GABBR2: variants seen among roughly 807,000 people sequenced by gnomAD.
The protein encoded by GABBR2 is gamma-aminobutyric acid type B receptor subunit 2, also known as G-protein coupled receptor 51.
A neutral mutation model predicts 105.6 loss-of-function variants in GABBR2; 23 were observed. That is an observed-to-expected ratio of 0.22 (90% CI 0.16 to 0.31). The LOEUF (loss-of-function observed/expected upper bound fraction) is 0.31. Among genes scored for constraint, GABBR2 ranks in the 10% least tolerant of loss-of-function variants. The pLI is 1.00. For missense variants in GABBR2, 734 were observed against 1,245.5 expected, an observed-to-expected ratio of 0.59 and a Z score of 6.18; for synonymous variants, 478 against 499.7, an observed-to-expected ratio of 0.96 and a Z score of 0.58.
chr9:98,394,249 C>A lies in GABBR2; in HGVS notation c.1304G>T (p.Arg435Met), dbSNP rs146990467. Residue 435 changes from arginine (R) to methionine (M), a missense_variant, in exon 9 of 19, where the codon AGG becomes ATG. Arg to Met is a moderately conservative substitution (Grantham distance 91, BLOSUM62 -1). Transcript: ENST00000259455. ...TIKFTQFQDS[R>M]EVKVGEYNAV... ...GTTGTACTCTCCCACCTTCACCTCC[C>A]TGCTGTCTGTGGGGAGCAAAAGACA... is the stretch of plus-strand genomic sequence containing the variant. The A allele has an allele frequency of 6.2e-7, 1 of 1,612,898 alleles. No individual in the cohort carries two copies. The highest frequency in any genetic ancestry group is 1.7e-5 in the Admixed American group (1 of 60,008).
At chr9:98,671,202 T>C (rs1830402795) in intron 1 of GABBR2, among the ~76,000 whole-genome samples, 1 of 152,168 alleles carries the variant, frequency 6.6e-6, no homozygotes, top group East Asian at 1.9e-4. Context: ...TAATCTACTT[T>C]CTGTCTATGT....
chr9:98,292,718 G>A (rs1687417873), intron 18 of GABBR2, among the ~76,000 whole-genome samples: 1 of 152,252 alleles, frequency 6.6e-6, no homozygotes, highest in Non-Finnish European at 1.5e-5. Flanking sequence ...CAAGCACCCA[G>A]GGCAGGGCTA....
At chr9:98,583,050 C>T (rs1829023711) in intron 1 of GABBR2, among the ~76,000 whole-genome samples, 1 of 152,152 alleles carries the variant, frequency 6.6e-6, no homozygotes, top group Non-Finnish European at 1.5e-5. Flanking sequence ...GAAAAAAAGA[C>T]CATTTCCCCC....
chr9:98,683,835 C>G (rs986830360), intron 1 of GABBR2, among the ~76,000 whole-genome samples: 2 of 151,542 alleles, frequency 1.3e-5, no homozygotes, highest in African/African-American at 4.8e-5. Flanking sequence ...CGGTGAAACC[C>G]GTCTCTACTA....
intron 6 of GABBR2, among the ~76,000 whole-genome samples, chr9:98,460,276 G>A (rs1186678419): frequency 6.6e-6 from 1 of 152,136 alleles, no homozygotes; most frequent in African/African-American, 2.4e-5. Context: ...CCAGCTACTT[G>A]GAAGGCTGAG....
chr9:98,303,813 CG>C (rs1830508226), intron 15 of GABBR2, among the ~76,000 whole-genome samples: 2 of 152,218 alleles, frequency 1.3e-5, no homozygotes, highest in Admixed American at 1.3e-4. Flanking sequence ...CAGAGGAGAG[CG>C]AAGGCCTCTG....
intron 1 of GABBR2, among the ~76,000 whole-genome samples, chr9:98,703,703 G>A (rs921822277): frequency 2.0e-5 from 3 of 151,868 alleles, no homozygotes; most frequent in African/African-American, 7.3e-5. Flanking sequence ...TGTTGCTCAG[G>A]CTGGTCTTGA....
intron 2 of GABBR2, among the ~76,000 whole-genome samples, chr9:98,568,376 A>G (rs1407192868): frequency 6.6e-6 from 1 of 152,234 alleles, no homozygotes; most frequent in Admixed American, 6.5e-5. Context: ...TGCTGGACAC[A>G]TGGCGTAACA....
intron 1 of GABBR2, among the ~76,000 whole-genome samples, chr9:98,696,452 AGGCCGCT>A (rs1399454801): frequency 3.3e-5 from 5 of 152,174 alleles, no homozygotes; most frequent in Non-Finnish European, 7.3e-5. Flanking sequence ...TCAAGCTGGG[AGGCCGCT>A]GGACTGGTTT....
At chr9:98,697,537 G>A (rs1273557687) in intron 1 of GABBR2, among the ~76,000 whole-genome samples, 2 of 151,416 alleles carry the variant, frequency 1.3e-5, no homozygotes, top group African/African-American at 4.9e-5. Context: ...TAGTGAAGAC[G>A]AAATGAATGA....
At chr9:98,370,233 C>G (rs1564034836) in intron 12 of GABBR2, among the ~76,000 whole-genome samples, 1 of 151,950 alleles carries the variant, frequency 6.6e-6, no homozygotes. Context: ...GGTGAGGTGA[C>G]CCCAGGGTGG....
intron 13 of GABBR2, among the ~76,000 whole-genome samples, chr9:98,341,550 G>A (rs1167652617): frequency 6.6e-6 from 1 of 152,220 alleles, no homozygotes; most frequent in Non-Finnish European, 1.5e-5. Flanking sequence ...TGGTTATTGC[G>A]GCTGAGCGTT....
At chr9:98,690,796 C>T (rs1371616949) in intron 1 of GABBR2, among the ~76,000 whole-genome samples, 1 of 152,194 alleles carries the variant, frequency 6.6e-6, no homozygotes, top group African/African-American at 2.4e-5. Flanking sequence ...TCCTAGGGAC[C>T]AACTGTGTGT....
At chr9:98,293,752 T>G (rs765039036) in intron 18 of GABBR2, 33 bp downstream of exon 18, 1 of 1,155,102 alleles carries the variant, frequency 8.7e-7, no homozygotes, top group East Asian at 2.4e-5. Context: ...GTATTTCTTC[T>G]TCAGTTATAA....
intron 1 of GABBR2, among the ~76,000 whole-genome samples, chr9:98,589,495 G>A (rs1311689247): frequency 1.3e-5 from 2 of 152,176 alleles, no homozygotes; most frequent in Admixed American, 6.5e-5. Context: ...AACGCCTGCT[G>A]TAAGCATTTT....
At chr9:98,292,789 G>T (rs1177434132) in intron 18 of GABBR2, among the ~76,000 whole-genome samples, 1 of 152,208 alleles carries the variant, frequency 6.6e-6, no homozygotes, top group Non-Finnish European at 1.5e-5. Context: ...TTAGGATCCT[G>T]TTCACCTTTC....
chr9:98,634,193 CTT>C (rs892832456), intron 1 of GABBR2, among the ~76,000 whole-genome samples: 1 of 152,214 alleles, frequency 6.6e-6, no homozygotes, highest in African/African-American at 2.4e-5. Context: ...CCCCACCCGA[CTT>C]TGGGCCCTAC....
intron 1 of GABBR2, among the ~76,000 whole-genome samples, chr9:98,593,024 G>C (rs1044528408): frequency 1.3e-5 from 2 of 152,040 alleles, no homozygotes; most frequent in African/African-American, 4.8e-5. Flanking sequence ...CTGTTGCCCA[G>C]GCTGGAGTGC....
At chr9:98,648,835 TG>T (rs1423567648) in intron 1 of GABBR2, among the ~76,000 whole-genome samples, 1 of 152,216 alleles carries the variant, frequency 6.6e-6, no homozygotes, top group East Asian at 1.9e-4. Flanking sequence ...ACAGACCAGC[TG>T]GACTAGAATA....
Sources: gnomAD v4.1 joint callset for allele counts (sites outside exome capture counted in the v4.1 genomes callset) on GRCh38, gnomAD v4.1.1 for gene constraint, MANE v1.5 for transcripts, NCBI Gene and HGNC (gene_info 2026-07-23, HGNC 2026-07-21) for gene names.